The following UROS variants were observed in gnomAD, a reference collection of about 807,000 sequenced individuals.
UROS encodes the protein uroporphyrinogen III synthase, also known as uroporphyrinogen-III synthase.
A neutral mutation model predicts 33.0 loss-of-function variants in UROS; 18 were observed. The observed-to-expected ratio is 0.55, with a 90% CI of 0.38 to 0.81. The LOEUF (loss-of-function observed/expected upper bound fraction) is 0.81. Among genes scored for constraint, UROS ranks in the 30% least tolerant of loss-of-function variants. The pLI is 0.00. For missense variants in UROS, 293 were observed against 314.9 expected (o/e 0.93, Z 0.53); for synonymous variants, 114 against 121.1 (o/e 0.94, Z 0.38).
At chr10:125,812,380 GAGCAA>G in intron 4 of UROS, 92 bp from the exon 5 acceptor site, 1 of 1,150,850 alleles carries the variant, frequency 8.7e-7, no homozygotes, top group South Asian at 1.3e-5. Flanking sequence ...AAGAAACTGT[GAGCAA>G]AGCAAACTAT....
At chr10:125,787,477 G>A (rs1374843033), downstream of UROS, among the ~76,000 whole-genome samples, 3 of 152,076 alleles carry the variant, frequency 2.0e-5, no homozygotes, top group Admixed American at 2.0e-4. Flanking sequence ...TTCCAAACAC[G>A]GGTGCACACT....
intron 8 of UROS, 114 bp downstream of exon 8, chr10:125,795,989 G>A: frequency 2.2e-6 from 2 of 920,872 alleles, no homozygotes; most frequent in Non-Finnish European, 1.8e-6. Flanking sequence ...GCAGGTGACA[G>A]CTGGGGACAG....
At chr10:125,807,290 C>A in intron 6 of UROS, 123 bp downstream of exon 6, 2 of 858,310 alleles carry the variant, frequency 2.3e-6, no homozygotes, top group Non-Finnish European at 1.9e-6. Flanking sequence ...GTGGGTTATA[C>A]GATGCTCACC....
intron 5 of UROS, among the ~76,000 whole-genome samples, chr10:125,809,343 G>A (rs2133910117): frequency 6.6e-6 from 1 of 152,346 alleles, no homozygotes; most frequent in Non-Finnish European, 1.5e-5. Flanking sequence ...GGCTTTCCTA[G>A]GATATGGCTG....
intron 6 of UROS, 64 bp downstream of exon 6, chr10:125,807,349 G>A: frequency 7.3e-7 from 1 of 1,364,412 alleles, no homozygotes; most frequent in Non-Finnish European, 1.0e-6. Flanking sequence ...CTTTTCCCTA[G>A]GTAGTGGTTG....
chr10:125,812,944 G>A (rs138351089), intron 4 of UROS, among the ~76,000 whole-genome samples: 1 of 152,256 alleles, frequency 6.6e-6, no homozygotes, highest in East Asian at 1.9e-4. Flanking sequence ...AGAAAACAGG[G>A]AAATAATGGT....
Position 125,788,738 on chromosome 10 carries a change from G to A in UROS, c.*130C>T. On this transcript the variant is annotated 3_prime_UTR_variant, in exon 10 of 10. Transcript: ENST00000368797. ...GTCAGGTCCCGATCCCCGGTCCTCA[G>A]GTGCTTCCACTCAGGCTTGAGGCAG... 1 of 1,450,100 alleles carries A rather than the reference G, an allele frequency of 6.9e-7. No individual in the cohort carries two copies. The highest frequency in any genetic ancestry group is 9.1e-7 in the Non-Finnish European group (1 of 1,104,838). 89.8% of individuals were successfully genotyped at this position (1,450,100 alleles called of 1,614,324 possible).
chr10:125,819,218 G>A (rs1427753704), intron 1 of UROS, among the ~76,000 whole-genome samples: 2 of 152,148 alleles, frequency 1.3e-5, no homozygotes, highest in African/African-American at 4.8e-5. Context: ...TCTTAACCTC[G>A]TGATCCGGCT....
intron 6 of UROS, 53 bp downstream of exon 6, chr10:125,807,360 T>G: frequency 7.7e-5 from 114 of 1,483,384 alleles, no homozygotes; most frequent in Middle Eastern, 1.7e-4. Flanking sequence ...GTAGTGGTTG[T>G]GAGGTCAACA....
intron 9 of UROS, chr10:125,794,476 A>T: frequency 1.7e-6 from 1 of 574,292 alleles, no homozygotes; most frequent in Non-Finnish European, 2.3e-6. Context: ...TTTAAAAGAT[A>T]TGAAAAAGGT....
chr10:125,801,729 A>G (rs1851852633), intron 6 of UROS, among the ~76,000 whole-genome samples: 2 of 152,254 alleles, frequency 1.3e-5, no homozygotes, highest in Non-Finnish European at 2.9e-5. Flanking sequence ...GCAGACCAGT[A>G]TTCTCCCAGA....
chr10:125,789,448 C>T, intron 9 of UROS: 3 of 977,700 alleles, frequency 3.1e-6, no homozygotes, highest in Non-Finnish European at 3.8e-6. Flanking sequence ...TCTGTGGGCA[C>T]AGGGTTGGGA....
At chr10:125,802,356 C>A (rs964811984) in intron 6 of UROS, 7 of 985,750 alleles carry the variant, frequency 7.1e-6, no homozygotes, top group Non-Finnish European at 2.4e-6. Context: ...TATTTCAACA[C>A]CTGGCTGAAT....
rs1850702404 is a variant in UROS at position 125,788,618 on chromosome 10, T to C, written c.*250A>G. 1 of 1,403,290 alleles carries C rather than the reference T, an allele frequency of 7.1e-7. No individual in the cohort carries two copies. The highest frequency in any genetic ancestry group is 9.2e-7 in the Non-Finnish European group (1 of 1,081,526). The allele number at this position is 1,403,290 out of a possible 1,614,324, so 86.9% of individuals were successfully genotyped here. ...AGTCAGTGTGGTTTATTTGACTTCC[T>C]TCCTGCTGGGCACAGGAAGCTCTCA... is the stretch of plus-strand genomic sequence containing the variant. On this transcript the variant is annotated 3_prime_UTR_variant, in exon 10 of 10. Transcript: ENST00000368797.
chr10:125,821,608 T>C (rs376737254), intron 1 of UROS, among the ~76,000 whole-genome samples: 1 of 152,204 alleles, frequency 6.6e-6, no homozygotes, highest in African/African-American at 2.4e-5. Flanking sequence ...ATAGTTAAGA[T>C]GGTAAAATGT....
rs777327943 is a variant in UROS, at chr10:125,788,870, A to G, written c.796T>C (p.Ter266ArgextTer73). The G allele has an allele frequency of 1.9e-6, 3 of 1,586,622 alleles. No homozygotes were observed. The highest frequency in any genetic ancestry group is 2.3e-5 in the East Asian group (1 of 43,828). Reference sequence around the variant, plus strand: ...GGGGCCAGCGCTAGGTGGCTGACTCAGCAGCAGCCATGGGGCTGGAGAGCC... The same window carrying G: ...GGGGCCAGCGCTAGGTGGCTGACTCGGCAGCAGCCATGGGGCTGGAGAGCC... ...RKALQPHGCC[*>R] Residue 266 changes from the stop codon to arginine (R), a stop_lost, in exon 10 of 10, where the codon TGA becomes CGA. Coordinates refer to ENST00000368797, the MANE Select transcript of UROS (RefSeq NM_000375.3).
chr10:125,810,885 A>G (rs115487515), intron 5 of UROS, among the ~76,000 whole-genome samples: 2,972 of 152,322 alleles, frequency 0.02, 103 homozygotes, highest in African/African-American at 0.067. Flanking sequence ...TTTAAAAGTT[A>G]CAACACTTCT....
chr10:125,787,070 G>T (rs552098324), downstream of UROS, among the ~76,000 whole-genome samples: 3 of 152,164 alleles, frequency 2.0e-5, no homozygotes, highest in Non-Finnish European at 2.9e-5. Flanking sequence ...ACGCCCTGGC[G>T]CACTCCATCT....
intron 1 of UROS, among the ~76,000 whole-genome samples, chr10:125,819,067 C>T (rs1034681750): frequency 1.3e-5 from 2 of 152,138 alleles, no homozygotes; most frequent in Non-Finnish European, 2.9e-5. Context: ...TCACTGCAAC[C>T]TCCGCCTCCC....
Sources: allele counts gnomAD v4.1 joint callset (sites outside exome capture counted in the v4.1 genomes callset), GRCh38; gene constraint gnomAD v4.1.1; transcripts MANE v1.5; gene names NCBI Gene and HGNC (gene_info 2026-07-23, HGNC 2026-07-21).